Variants in IKZF4 observed in about 807,000 individuals in gnomAD.
IKZF4 encodes zinc finger protein Eos.
IKZF4 carries 11 observed loss-of-function variants against 47.7 expected under a neutral mutation model. The ratio of observed to expected loss-of-function variants is 0.23; its 90% CI spans 0.15 to 0.38. IKZF4 has a LOEUF of 0.38. Ranked by LOEUF, IKZF4 falls within the 10% of genes least tolerant of loss-of-function variation. The pLI is 1.00. For missense variants in IKZF4, 557 were observed against 784.9 expected, an observed-to-expected ratio of 0.71 and a Z score of 3.47; for synonymous variants, 298 against 299.4, an observed-to-expected ratio of 1.00 and a Z score of 0.05.
intron 2 of IKZF4, among the ~76,000 whole-genome samples, chr12:56,015,493 T>C (rs1891915901): frequency 6.6e-6 from 1 of 151,806 alleles, no homozygotes; most frequent in South Asian, 2.1e-4. Context: ...ACCTCCCCGG[T>C]TCAAGCAATT....
At chr12:56,025,221 T>G (rs1893764186) in intron 3 of IKZF4, 63 bp downstream of exon 3, 1 of 1,457,490 alleles carries the variant, frequency 6.9e-7, no homozygotes. Flanking sequence ...GGCCTTCAAT[T>G]CACCTTCCAC....
intron 7 of IKZF4, 115 bp downstream of exon 7, chr12:56,033,436 A>G (rs541948453): frequency 7.8e-4 from 1,040 of 1,327,682 alleles, no homozygotes; most frequent in Middle Eastern, 1.6e-3. Flanking sequence ...GGCTGGGTGC[A>G]GTGGCTCACG....
At chr12:56,029,832 A>C (rs1894626034) in intron 5 of IKZF4, 1 of 152,184 alleles carries the variant, frequency 6.6e-6, no homozygotes, top group Non-Finnish European at 1.5e-5. Flanking sequence ...AACCCCATCA[A>C]GGTCCAGTGC....
In IKZF4 at chr12:56,035,136, C is replaced by T. The variant is rs369747584; in HGVS notation, c.1563C>T (p.Gly521=). The part of the protein sequence containing the change: ...GPSKEVLRVV[G]ESGEPVKAFK... Reference sequence around the variant, plus strand: ...CCAAGGAAGTGCTTCGGGTGGTGGGCGAGAGTGGTGAGCCTGTGAAGGCCT... The same window carrying T: ...CCAAGGAAGTGCTTCGGGTGGTGGGTGAGAGTGGTGAGCCTGTGAAGGCCT... Residue 521 remains glycine, a synonymous_variant, in exon 8 of 8, where the codon GGC becomes GGT. Transcript: ENST00000547167. The surrounding 1 kb of genome is among the most constrained non-coding windows in gnomAD (Gnocchi z 6.1). 2.7e-5 allele frequency: 44 copies of T among 1,613,582 alleles called. No individual in the cohort carries two copies. The highest frequency in any genetic ancestry group is 2.5e-4 in the South Asian group (23 of 91,012).
rs1895651222 is a variant in IKZF4 at position 56,036,578 on chromosome 12, T to C, written c.*1247T>C. ...TTCTAATTTTCAGTATAACCAAAAA[T>C]TATCCCAGCATGAGCACGGGCACGT... On this transcript the variant is annotated 3_prime_UTR_variant, in exon 8 of 8. Transcript: ENST00000547167. The C allele has an allele frequency of 6.6e-6, 1 of 152,166 alleles. No individual in the cohort carries two copies. The highest frequency in any genetic ancestry group is 2.4e-5 in the African/African-American group (1 of 41,424). The allele number at this position is 152,166 out of a possible 1,614,324, so 9.4% of individuals were successfully genotyped here.
chr12:56,008,326 G>A (rs1485235306), intron 1 of IKZF4, among the ~76,000 whole-genome samples: 1 of 151,978 alleles, frequency 6.6e-6, no homozygotes, highest in East Asian at 1.9e-4. Context: ...CTGCTTGAGA[G>A]CCCTAAGAAA....
chr12:56,021,163 C>A lies in IKZF4; in HGVS notation c.-331C>A. 1 of 1,356,810 alleles carries A rather than the reference C, an allele frequency of 7.4e-7. No homozygotes were observed. Among genetic ancestry groups the A allele is most frequent in the Non-Finnish European group, 9.5e-7 (1 of 1,052,436 alleles). 84.0% of individuals were successfully genotyped at this position (1,356,810 alleles called of 1,614,324 possible). A position where few individuals can be genotyped will look rare whatever the true frequency, so the allele number is the denominator to read the frequency against. On this transcript the variant is annotated 5_prime_UTR_variant, in exon 1 of 8. Coordinates refer to ENST00000547167, the MANE Select transcript of IKZF4 (RefSeq NM_022465.4). ...ACCCACCACCCACCCCCTTCACTGTCTTGGAAAAGGGATGCTGTAGCCTAG... is the reference window on the plus strand; with the variant it reads ...ACCCACCACCCACCCCCTTCACTGTATTGGAAAAGGGATGCTGTAGCCTAG...
At chr12:56,020,914 C>T (rs913658722), upstream of IKZF4, 19 of 993,118 alleles carry the variant, frequency 1.9e-5, no homozygotes, top group South Asian at 9.1e-5. Context: ...TGAAGCTGTC[C>T]GTGTCCTGGG....
rs7297984 is a variant in IKZF4, at chr12:56,024,875, C to A, written c.182-179C>A. On this transcript the variant is annotated intron_variant, in intron 2 of 7. Coordinates refer to ENST00000547167, the MANE Select transcript of IKZF4 (RefSeq NM_022465.4). ...CAGCCACTGAGCTCACAGAAGGCAGCACCAGGCATCCAGACTGGCGGGGGC... is the reference window on the plus strand; with the variant it reads ...CAGCCACTGAGCTCACAGAAGGCAGAACCAGGCATCCAGACTGGCGGGGGC... 1,761 of 1,485,160 alleles carry A rather than the reference C, an allele frequency of 1.2e-3. 8 individuals are homozygous for A. The African/African-American group carries it at 0.018, about 16-fold the overall frequency. 92.0% of individuals were successfully genotyped at this position (1,485,160 alleles called of 1,614,324 possible).
intron 7 of IKZF4, 105 bp downstream of exon 7, chr12:56,033,426 G>C (rs1480805813): frequency 2.0e-6 from 3 of 1,464,558 alleles, no homozygotes; most frequent in Non-Finnish European, 2.8e-6. Context: ...CAGTCTGGTG[G>C]GCTGGGTGCA....
At chr12:56,034,436 T>C in intron 7 of IKZF4, 135 bp from the exon 8 acceptor site, 1 of 828,456 alleles carries the variant, frequency 1.2e-6, no homozygotes. Context: ...ACAAAGGACC[T>C]GACCCTGCGA....
chr12:56,012,978 TAGTG>T (rs1215657602), intron 2 of IKZF4, among the ~76,000 whole-genome samples: 2 of 152,082 alleles, frequency 1.3e-5, no homozygotes, highest in Non-Finnish European at 2.9e-5. Context: ...CCAGACAACA[TAGTG>T]AGATCTCATC....
In IKZF4 at chr12:56,021,563, C is replaced by T. The variant is rs764681400; in HGVS notation, c.70C>T (p.Arg24Trp). The change falls in exon 1 of 8, where the codon CGG becomes TGG. Residue 24 changes from arginine (R) to tryptophan (W), a missense_variant. By Grantham distance (101) the Arg-to-Trp change is moderately radical. Around this residue, in one of 6 missense-constraint regions of IKZF4, gnomAD observed 44 missense variants for 39.7 expected, o/e 1.11. Transcript: ENST00000547167. ...GGRVRTPGSH[R>W]QGKDNLERDP... ...CCGCGTTCGCACCCCAGGGTCTCAC[C>T]GGCAAGGGAAGGATAATGTAAGTTC... The T allele has an allele frequency of 2.8e-4, 447 of 1,606,538 alleles. No homozygotes were observed. The highest frequency in any genetic ancestry group is 2.5e-4 in the Non-Finnish European group (299 of 1,177,134).
chr12:56,024,523 A>C (rs1893624615), intron 2 of IKZF4: 1 of 565,836 alleles, frequency 1.8e-6, no homozygotes, highest in Non-Finnish European at 2.2e-6. Context: ...TGTTGTGAGG[A>C]TTAAATGAAA....
At chr12:56,009,168 G>A (rs150363409) in intron 1 of IKZF4, among the ~76,000 whole-genome samples, 14 of 152,252 alleles carry the variant, frequency 9.2e-5, no homozygotes, top group Admixed American at 2.6e-4. Context: ...GTCAGCTTTA[G>A]ATGTTCCAAC....
chr12:56,017,719 C>T (rs1327306087), upstream of IKZF4, among the ~76,000 whole-genome samples: 1 of 152,136 alleles, frequency 6.6e-6, no homozygotes, highest in East Asian at 1.9e-4. Flanking sequence ...GAGACAGGGT[C>T]TCGCTCGGTT....
chr12:56,021,246 C>A lies in IKZF4; in HGVS notation c.-248C>A. The stretch of plus-strand genomic sequence containing the variant: ...CTCCAGCCCCCTCCCCAAGCACATC[C>A]AAGCGTGCTCTCCCCTCTCCTTCTC... On this transcript the variant is annotated 5_prime_UTR_variant, in exon 1 of 8. Coordinates refer to ENST00000547167, the MANE Select transcript of IKZF4 (RefSeq NM_022465.4). 4 of 1,461,486 alleles carry A rather than the reference C, an allele frequency of 2.7e-6. No homozygotes were observed. The highest frequency in any genetic ancestry group is 2.7e-6 in the Non-Finnish European group (3 of 1,107,222). The allele number at this position is 1,461,486 out of a possible 1,614,324, so 90.5% of individuals were successfully genotyped here.
intron 3 of IKZF4, 92 bp from the exon 4 acceptor site, chr12:56,026,689 C>CAA (rs531342295): frequency 3.6e-3 from 3,358 of 928,162 alleles, no homozygotes; most frequent in South Asian, 5.1e-3. Flanking sequence ...AATTCCATCT[C>CAA]AAAAAAAAAA....
rs1376088904 is a variant in IKZF4, at chr12:56,036,384, C to T, written c.*1053C>T. 3.9e-5 allele frequency: 6 copies of T among 152,416 alleles called. No individual in the cohort carries two copies. The highest frequency in any genetic ancestry group is 7.2e-5 in the African/African-American group (3 of 41,410). 9.4% of individuals were successfully genotyped at this position (152,416 alleles called of 1,614,324 possible). ...TCTCAGGGGCTCCTTCAGTCCCCAT[C>T]CTATGAGAAACTAGTGGGTTGCTGC... is the stretch of plus-strand genomic sequence containing the variant. On this transcript the variant is annotated 3_prime_UTR_variant, in exon 8 of 8. Coordinates refer to ENST00000547167, the MANE Select transcript of IKZF4 (RefSeq NM_022465.4).
Sources: gnomAD v4.1 joint callset for allele counts (sites outside exome capture counted in the v4.1 genomes callset) on GRCh38, gnomAD v4.1.1 for gene constraint, gnomAD v4.1.1 regional missense constraint, Gnocchi (gnomAD v3.1) non-coding constraint, MANE v1.5 for transcripts, NCBI Gene and HGNC (gene_info 2026-07-23, HGNC 2026-07-21) for gene names.